Variants in TMTC2 observed in about 807,000 individuals in gnomAD.
TMTC2 encodes the protein protein O-mannosyl-transferase TMTC2.
In TMTC2, 43 loss-of-function variants were observed where a neutral mutation model predicts 82.4. The observed-to-expected ratio is 0.52, with a 90% confidence interval of 0.41 to 0.67. The LOEUF (loss-of-function observed/expected upper bound fraction) is 0.67, where lower values mean the gene tolerates loss of function less well. Among genes scored for constraint, TMTC2 ranks in the 30% least tolerant of loss-of-function variants. The pLI, the probability that TMTC2 is intolerant of heterozygous loss-of-function variation, is 0.00. For synonymous variants in TMTC2, 408 were observed against 381.9 expected (o/e 1.07, Z -0.80); for missense variants, 919 against 1,012.4 (o/e 0.91, Z 1.25).
intron 3 of TMTC2, among the ~76,000 whole-genome samples, chr12:82,927,635 TGAAA>T (rs1472392601): frequency 6.6e-6 from 1 of 152,162 alleles, no homozygotes; most frequent in Non-Finnish European, 1.5e-5. Flanking sequence ...AAGTATTTCG[TGAAA>T]GGAAGAGTTA....
intron 1 of TMTC2, among the ~76,000 whole-genome samples, chr12:82,706,164 C>G (rs1420109798): frequency 6.6e-6 from 1 of 151,928 alleles, no homozygotes; most frequent in African/African-American, 2.4e-5. Flanking sequence ...CGAAAATTAG[C>G]TGGGCTTGGT....
intron 8 of TMTC2, among the ~76,000 whole-genome samples, chr12:83,005,802 A>G (rs1329230203): frequency 6.6e-6 from 1 of 152,190 alleles, no homozygotes; most frequent in Non-Finnish European, 1.5e-5. Flanking sequence ...CCAAGCAGGG[A>G]ACCCCAGGAG....
chr12:82,844,628 C>T (rs1334530193), intron 1 of TMTC2, among the ~76,000 whole-genome samples: 2 of 151,824 alleles, frequency 1.3e-5, no homozygotes, highest in African/African-American at 4.8e-5. Flanking sequence ...AGAGGAACCC[C>T]GTCTCTACTA....
At chr12:83,071,482 A>G (rs890578744) in intron 11 of TMTC2, among the ~76,000 whole-genome samples, 9 of 152,006 alleles carry the variant, frequency 5.9e-5, no homozygotes, top group African/African-American at 1.9e-4. Context: ...TTCTCTGGTT[A>G]TGTCCTTTCC....
chr12:82,753,064 G>A (rs1027722703), intron 1 of TMTC2, among the ~76,000 whole-genome samples: 1 of 152,016 alleles, frequency 6.6e-6, no homozygotes, highest in African/African-American at 2.4e-5. Flanking sequence ...AAGCCAATAA[G>A]ATAGAAATAT....
intron 4 of TMTC2, among the ~76,000 whole-genome samples, chr12:82,957,427 G>T (rs930198512): frequency 2.0e-5 from 3 of 152,112 alleles, no homozygotes; most frequent in African/African-American, 7.2e-5. Context: ...ACCTCAAAAG[G>T]CTAGGAAGAT....
chr12:82,945,727 C>T (rs1443359349), intron 4 of TMTC2, among the ~76,000 whole-genome samples: 1 of 152,190 alleles, frequency 6.6e-6, no homozygotes, highest in African/African-American at 2.4e-5. Flanking sequence ...AATCAGTCCT[C>T]TGCAGATTTC....
chr12:83,074,378 A>G (rs981387169), intron 11 of TMTC2, among the ~76,000 whole-genome samples: 2 of 152,058 alleles, frequency 1.3e-5, no homozygotes, highest in African/African-American at 4.8e-5. Flanking sequence ...GGTGGAGGTG[A>G]AATGGACTCT....
chr12:83,084,820 A>G (rs553688763), intron 11 of TMTC2, among the ~76,000 whole-genome samples: 1 of 152,312 alleles, frequency 6.6e-6, no homozygotes, highest in South Asian at 2.1e-4. Flanking sequence ...ACAACTCTAT[A>G]AATCAGTGAT....
chr12:82,938,595 T>C lies in TMTC2; in HGVS notation c.1598+8050T>C, dbSNP rs534936585. On this transcript the variant is annotated intron_variant, in intron 4 of 11. Coordinates refer to ENST00000321196, the MANE Select transcript of TMTC2 (RefSeq NM_152588.3). ...CAAATGAGACTGAGAGATTTTGTTA[T>C]AATGCTGTTGGCTTGAGGTCACCAG... is the stretch of plus-strand genomic sequence containing the variant. Among the ~76,000 whole-genome samples, 7 of 152,286 alleles carry C rather than the reference T, an allele frequency of 4.6e-5. No individual in the cohort carries two copies. In the South Asian group the frequency reaches 1.5e-3, roughly 32 times the overall value.
At chr12:82,888,041 T>C (rs1252224874) in intron 2 of TMTC2, among the ~76,000 whole-genome samples, 1 of 152,080 alleles carries the variant, frequency 6.6e-6, no homozygotes, top group Non-Finnish European at 1.5e-5. Context: ...ATCGCGCCAT[T>C]GCATTCCAGC....
intron 3 of TMTC2, among the ~76,000 whole-genome samples, chr12:82,910,896 A>G (rs1874604929): frequency 6.8e-6 from 1 of 147,972 alleles, no homozygotes; most frequent in African/African-American, 2.5e-5. Flanking sequence ...TTTTTTAGAG[A>G]CAGAGGCAGA....
chr12:83,056,173 TAGAC>T (rs1159467948), intron 10 of TMTC2, among the ~76,000 whole-genome samples: 2 of 152,012 alleles, frequency 1.3e-5, no homozygotes, highest in East Asian at 3.9e-4. Flanking sequence ...TTTTGTAAAG[TAGAC>T]AGAGTCATTG....
chr12:83,112,654 A>C (rs1884633990), intron 11 of TMTC2, among the ~76,000 whole-genome samples: 1 of 152,228 alleles, frequency 6.6e-6, no homozygotes, highest in Non-Finnish European at 1.5e-5. Context: ...AATAATGTGT[A>C]ATAGCAGAAA....
At chr12:82,828,077 G>A (rs772627417) in intron 1 of TMTC2, among the ~76,000 whole-genome samples, 1 of 151,766 alleles carries the variant, frequency 6.6e-6, no homozygotes, top group Middle Eastern at 3.2e-3. Flanking sequence ...ATTTTTAGTA[G>A]AGACTGGGTT....
chr12:82,710,415 GCTGTCATAATTTAT>G (rs1226482418), intron 1 of TMTC2, among the ~76,000 whole-genome samples: 1 of 152,108 alleles, frequency 6.6e-6, no homozygotes, highest in African/African-American at 2.4e-5. Flanking sequence ...TTTAGATCTG[GCTGTCATAATTTAT>G]CTGTTTTGCT....
At chr12:82,730,114 A>G (rs901947377) in intron 1 of TMTC2, among the ~76,000 whole-genome samples, 1 of 152,058 alleles carries the variant, frequency 6.6e-6, no homozygotes, top group Non-Finnish European at 1.5e-5. Flanking sequence ...CTGTGGCTTC[A>G]TTCTTGAAGT....
At chr12:83,095,291 A>C (rs1883988706) in intron 11 of TMTC2, among the ~76,000 whole-genome samples, 2 of 145,204 alleles carry the variant, frequency 1.4e-5, no homozygotes, top group Non-Finnish European at 3.0e-5. Flanking sequence ...CCCAGGCTGG[A>C]GTGCAGTGGC....
At position 82,735,372 on chromosome 12, in the gene TMTC2, G is replaced by T. The variant is rs542587004; in HGVS notation, c.83+47703G>T. Among the ~76,000 whole-genome samples, 5 of 147,218 alleles carry T rather than the reference G, an allele frequency of 3.4e-5. No homozygotes were observed. In the East Asian group the frequency reaches 8.1e-4, roughly 24 times the overall value. ...TGATTTTTTTTTTTTTTGAGACAGA[G>T]TCTTACTCCGTCGCCCAGGCTGGAG... On this transcript the variant is annotated intron_variant, in intron 1 of 11. Transcript: ENST00000321196.
Sources: gnomAD v4.1 joint callset for allele counts (sites outside exome capture counted in the v4.1 genomes callset) on GRCh38, gnomAD v4.1.1 for gene constraint, MANE v1.5 for transcripts, NCBI Gene and HGNC (gene_info 2026-07-23, HGNC 2026-07-21) for gene names.